Variants in WDR7 observed in about 807,000 individuals in gnomAD.
The protein encoded by WDR7 is WD repeat-containing protein 7.
In WDR7, 46 loss-of-function variants were observed where a neutral mutation model predicts 169.4. That is an observed-to-expected ratio of 0.27 (90% confidence interval 0.21 to 0.35). The LOEUF is 0.35. Ranked by LOEUF, WDR7 falls within the 10% of genes least tolerant of loss-of-function variation. WDR7 has a pLI of 1.00. For synonymous variants in WDR7, 612 were observed against 666.8 expected (o/e 0.92, Z 1.27); for missense variants, 1,534 against 1,859.3 (o/e 0.83, Z 3.22).
At chr18:56,776,713 T>G in intron 16 of WDR7, 69 bp from the exon 17 acceptor site, 1 of 1,382,268 alleles carries the variant, frequency 7.2e-7, no homozygotes. Flanking sequence ...TCACTAATAC[T>G]AAGCTTTTTT....
chr18:56,662,663 T>C (rs552370516), intron 1 of WDR7, among the ~76,000 whole-genome samples: 2 of 152,166 alleles, frequency 1.3e-5, no homozygotes, highest in African/African-American at 2.4e-5. Context: ...ATTTCGTTTG[T>C]AGTAAAAACA....
intron 20 of WDR7, among the ~76,000 whole-genome samples, chr18:56,871,595 ATTGT>A (rs2045954648): frequency 6.6e-6 from 1 of 152,102 alleles, no homozygotes; most frequent in Non-Finnish European, 1.5e-5. Flanking sequence ...AAACACTTTT[ATTGT>A]TTATTTTTAT....
At chr18:56,950,218 T>C (rs1350844926) in intron 25 of WDR7, among the ~76,000 whole-genome samples, 2 of 152,220 alleles carry the variant, frequency 1.3e-5, no homozygotes, top group African/African-American at 4.8e-5. Flanking sequence ...ATTGAAACAA[T>C]GTGTACTCAA....
chr18:56,882,959 A>C (rs1022090572), intron 21 of WDR7, among the ~76,000 whole-genome samples: 2 of 152,164 alleles, frequency 1.3e-5, no homozygotes, highest in Non-Finnish European at 2.9e-5. Context: ...GCGGTGGCTC[A>C]CACCTGTAAT....
chr18:56,852,409 C>T (rs2045654393), intron 20 of WDR7, among the ~76,000 whole-genome samples: 1 of 152,180 alleles, frequency 6.6e-6, no homozygotes, highest in Non-Finnish European at 1.5e-5. Flanking sequence ...CATTCCCAGA[C>T]AGGCAGAAAA....
In WDR7 at chr18:56,842,093, C is replaced by T. The variant is rs144126514; in HGVS notation, c.3304+25949C>T. On this transcript the variant is annotated intron_variant, in intron 20 of 27. Transcript: ENST00000254442. Reference sequence around the variant, plus strand: ...ACTGCTTCATCTTCCCTGACCCCCACGCTAGTCATCATCAACATATTTGTT... The same window carrying T: ...ACTGCTTCATCTTCCCTGACCCCCATGCTAGTCATCATCAACATATTTGTT... Among the ~76,000 whole-genome samples the T allele has an allele frequency of 7.2e-5, 11 of 152,126 alleles. No individual in the cohort carries two copies. In the South Asian group the frequency reaches 1.0e-3, roughly 14 times the overall value.
At chr18:56,968,014 G>A (rs562357568) in intron 26 of WDR7, among the ~76,000 whole-genome samples, 2 of 151,884 alleles carry the variant, frequency 1.3e-5, no homozygotes, top group South Asian at 2.1e-4. Flanking sequence ...CCAAGGGTGA[G>A]AAAACCACAG....
chr18:56,850,767 C>T (rs2045628715), intron 20 of WDR7, among the ~76,000 whole-genome samples: 1 of 152,190 alleles, frequency 6.6e-6, no homozygotes, highest in South Asian at 2.1e-4. Flanking sequence ...CCTGCCTCAG[C>T]CTCCCAAAGT....
chr18:56,781,482 C>T (rs2044316972), intron 18 of WDR7, 51 bp from the exon 19 acceptor site: 1 of 1,454,048 alleles, frequency 6.9e-7, no homozygotes, highest in African/African-American at 1.4e-5. Flanking sequence ...TGAATATTCA[C>T]CTCCTCAACT....
At chr18:56,874,934 T>C (rs1195984307) in intron 20 of WDR7, among the ~76,000 whole-genome samples, 1 of 152,208 alleles carries the variant, frequency 6.6e-6, no homozygotes, top group Non-Finnish European at 1.5e-5. Context: ...ATCCTCCTTT[T>C]TCCCTTACAT....
chr18:56,876,171 A>T (rs963947852), intron 20 of WDR7, among the ~76,000 whole-genome samples: 71 of 152,206 alleles, frequency 4.7e-4, no homozygotes, highest in Middle Eastern at 6.8e-3. Flanking sequence ...ATAAAACAAA[A>T]TACCAAAAAA....
chr18:56,717,499 C>T (rs547596074), intron 12 of WDR7, among the ~76,000 whole-genome samples: 6 of 152,178 alleles, frequency 3.9e-5, no homozygotes, highest in South Asian at 2.1e-4. Context: ...GGCAGAGGGA[C>T]GGTGAGGGTA....
intron 10 of WDR7, 89 bp downstream of exon 10, chr18:56,694,849 A>C: frequency 6.5e-7 from 1 of 1,530,112 alleles, no homozygotes; most frequent in Non-Finnish European, 8.8e-7. Flanking sequence ...TACATATATC[A>C]TTTTCTTTGA....
At chr18:56,775,662 A>T (rs926886997) in intron 16 of WDR7, among the ~76,000 whole-genome samples, 1 of 152,136 alleles carries the variant, frequency 6.6e-6, no homozygotes, top group African/African-American at 2.4e-5. Context: ...CTTAGGGTTT[A>T]TGGAGTTAGA....
At chr18:56,891,782 T>C (rs1599134522) in intron 21 of WDR7, among the ~76,000 whole-genome samples, 1 of 152,120 alleles carries the variant, frequency 6.6e-6, no homozygotes, top group East Asian at 1.9e-4. Context: ...AGAGGATTTG[T>C]GTAAAAATAT....
At chr18:56,706,248 A>C (rs1052080713) in intron 12 of WDR7, among the ~76,000 whole-genome samples, 1 of 152,276 alleles carries the variant, frequency 6.6e-6, no homozygotes, top group African/African-American at 2.4e-5. Context: ...AACAAACAAC[A>C]AAGTTGACTT....
chr18:56,944,055 C>A (rs1027165617), intron 25 of WDR7, among the ~76,000 whole-genome samples: 2 of 126,452 alleles, frequency 1.6e-5, no homozygotes, highest in African/African-American at 6.1e-5. Context: ...GTGGCGCAAT[C>A]TCGGCTCACT....
At chr18:57,032,814 T>C (rs1406613459), downstream of WDR7, 2 of 68,250 alleles carry the variant, frequency 2.9e-5, no homozygotes, top group Non-Finnish European at 4.9e-5. Context: ...TATATATATA[T>C]ATATATATAT....
chr18:56,835,915 G>T (rs1412251694), intron 20 of WDR7, among the ~76,000 whole-genome samples: 16 of 152,130 alleles, frequency 1.1e-4, no homozygotes, highest in Admixed American at 1.0e-3. Context: ...GATATTTGCA[G>T]TTGACTGTAT....
Sources: allele counts gnomAD v4.1 joint callset (sites outside exome capture counted in the v4.1 genomes callset), GRCh38; gene constraint gnomAD v4.1.1; transcripts MANE v1.5; gene names NCBI Gene and HGNC (gene_info 2026-07-23, HGNC 2026-07-21).